RAPGEF6: variants seen among roughly 807,000 people sequenced by gnomAD.
RAPGEF6 encodes the protein Rap guanine nucleotide exchange factor 6, also known as PDZ domain containing guanine nucleotide exchange factor (GEF) 2.
RAPGEF6 carries 56 observed loss-of-function variants against 171.4 expected under a neutral mutation model. The ratio of observed to expected loss-of-function variants is 0.33; its 90% CI spans 0.26 to 0.41. RAPGEF6 has a LOEUF of 0.41. Among genes scored for constraint, RAPGEF6 ranks in the 10% least tolerant of loss-of-function variants. The pLI, the probability that RAPGEF6 is intolerant of heterozygous loss-of-function variation, is 1.00. For synonymous variants in RAPGEF6, 692 were observed against 650.1 expected (o/e 1.06, Z -0.98); for missense variants, 1,674 against 1,921.4 (o/e 0.87, Z 2.41).
chr5:131,570,041 CAAAAAAAAAAAAAAAAA>C (rs34729268), intron 4 of RAPGEF6, among the ~76,000 whole-genome samples: 3 of 27,474 alleles, frequency 1.1e-4, no homozygotes, highest in African/African-American at 3.7e-4. Context: ...GACTCTGTCT[CAAAAAAAAAAAAAAAAA>C]AAAAAAAAAA....
At position 131,604,778 on chromosome 5, in the gene RAPGEF6, A is replaced by G. The variant is rs1260297119; in HGVS notation, c.70-85T>C. ...CACCCCACAATTCTGATTTTAAGCA[A>G]ACAACCACTTATGGCAAAGCAGTTA... On this transcript the variant is annotated intron_variant, in intron 1 of 27. Transcript: ENST00000509018. The G allele has an allele frequency of 1.8e-5, 26 of 1,444,612 alleles. No individual in the cohort carries two copies. The African/African-American group carries it at 2.9e-4, about 16-fold the overall frequency. The allele number at this position is 1,444,612 out of a possible 1,614,324, so 89.5% of individuals were successfully genotyped here.
intron 7 of RAPGEF6, among the ~76,000 whole-genome samples, chr5:131,511,475 GATC>G (rs1757716743): frequency 7.3e-6 from 1 of 137,020 alleles, no homozygotes; most frequent in Non-Finnish European, 1.6e-5. Context: ...CTGCCAAAAA[GATC>G]ATCTTTTTTT....
At chr5:131,549,072 TA>T (rs199896954) in intron 5 of RAPGEF6, among the ~76,000 whole-genome samples, 6 of 151,592 alleles carry the variant, frequency 4.0e-5, no homozygotes, top group South Asian at 4.1e-4. Flanking sequence ...CTCAAAAAAT[TA>T]AAAAAAAAAT....
Position 131,573,300 on chromosome 5 carries a change from A to G in RAPGEF6, c.282-11253T>C, listed in dbSNP as rs1393572284. On this transcript the variant is annotated intron_variant, in intron 4 of 27. Coordinates refer to ENST00000509018, the MANE Select transcript of RAPGEF6 (RefSeq NM_016340.6). The stretch of plus-strand genomic sequence containing the variant: ...TACCTGCCCAACAATTTCCTCTTAC[A>G]GAGGTGGCTGGAGCTGAAGGCATAG... 5.3e-5 allele frequency among the ~76,000 whole-genome samples: 8 copies of G among 152,202 alleles called. No homozygotes were observed. The East Asian group carries it at 1.5e-3, about 29-fold the overall frequency.
chr5:131,595,161 A>C (rs572941476), intron 3 of RAPGEF6, among the ~76,000 whole-genome samples: 6 of 152,190 alleles, frequency 3.9e-5, no homozygotes, highest in Admixed American at 3.9e-4. Context: ...GTGTCAGGGG[A>C]GGGACCTGGT....
chr5:131,512,010 T>C (rs1207919623), intron 7 of RAPGEF6, among the ~76,000 whole-genome samples: 1 of 152,110 alleles, frequency 6.6e-6, no homozygotes, highest in African/African-American at 2.4e-5. Flanking sequence ...TATAGCCTCA[T>C]GGAAACGCCT....
chr5:131,607,239 A>C (rs959324240), intron 1 of RAPGEF6, among the ~76,000 whole-genome samples: 1 of 152,156 alleles, frequency 6.6e-6, no homozygotes, highest in Non-Finnish European at 1.5e-5. Context: ...CAGAATAAAG[A>C]CTAGTGCCAC....
chr5:131,634,932 G>A, intron 1 of RAPGEF6, 30 bp downstream of exon 1: 3 of 1,613,270 alleles, frequency 1.9e-6, no homozygotes, highest in South Asian at 1.1e-5. Context: ...ACTGGACTGT[G>A]AGACGCACAT....
intron 17 of RAPGEF6, chr5:131,469,924 T>C: frequency 2.4e-6 from 2 of 825,916 alleles, no homozygotes; most frequent in South Asian, 1.9e-5. Flanking sequence ...ACTTTGAAAA[T>C]GAAGGATAAA....
At chr5:131,529,255 C>T (rs1000181093) in intron 6 of RAPGEF6, among the ~76,000 whole-genome samples, 1 of 147,558 alleles carries the variant, frequency 6.8e-6, no homozygotes, top group Non-Finnish European at 1.5e-5. Context: ...GTGGGTGGAT[C>T]ATTTGAGGTC....
intron 16 of RAPGEF6, among the ~76,000 whole-genome samples, chr5:131,477,707 T>C (rs1489268526): frequency 1.3e-5 from 2 of 152,214 alleles, no homozygotes; most frequent in African/African-American, 4.8e-5. Context: ...AAGAGAGTTG[T>C]AATTACAGTC....
chr5:131,504,926 A>G, intron 10 of RAPGEF6, 148 bp from the exon 11 acceptor site: 1 of 832,666 alleles, frequency 1.2e-6, no homozygotes, highest in Non-Finnish European at 1.7e-6. Flanking sequence ...AATCAAGGTG[A>G]AACAATTCAC....
chr5:131,597,097 T>G (rs1242228274), intron 3 of RAPGEF6, among the ~76,000 whole-genome samples: 1 of 151,852 alleles, frequency 6.6e-6, no homozygotes, highest in South Asian at 2.1e-4. Context: ...GACATAAAAA[T>G]AGCCAATAGG....
At chr5:131,627,949 T>C (rs1219291420) in intron 1 of RAPGEF6, among the ~76,000 whole-genome samples, 1 of 152,236 alleles carries the variant, frequency 6.6e-6, no homozygotes, top group East Asian at 1.9e-4. Flanking sequence ...ACTGTGCCCA[T>C]GTAAGATGGC....
intron 21 of RAPGEF6, among the ~76,000 whole-genome samples, chr5:131,447,711 C>T (rs1752811728): frequency 1.3e-5 from 2 of 152,148 alleles, no homozygotes; most frequent in Admixed American, 1.3e-4. Flanking sequence ...CCACAGTGCT[C>T]ATATATCTAC....
intron 16 of RAPGEF6, among the ~76,000 whole-genome samples, chr5:131,475,526 A>G (rs1195347069): frequency 6.6e-6 from 1 of 152,224 alleles, no homozygotes; most frequent in Non-Finnish European, 1.5e-5. Context: ...AATTCCAGTT[A>G]AGCAAGCAAG....
intron 24 of RAPGEF6, 34 bp downstream of exon 24, chr5:131,439,547 T>G: frequency 8.9e-6 from 14 of 1,575,254 alleles, no homozygotes; most frequent in Non-Finnish European, 1.2e-5. Context: ...ATTGTTTAGT[T>G]TAACAAGAAC....
intron 24 of RAPGEF6, among the ~76,000 whole-genome samples, chr5:131,438,302 T>C (rs754908438): frequency 3.9e-5 from 6 of 152,234 alleles, no homozygotes; most frequent in Non-Finnish European, 7.3e-5. Flanking sequence ...AATAAATTAC[T>C]TGTAGTAACA....
intron 18 of RAPGEF6, among the ~76,000 whole-genome samples, chr5:131,462,429 A>G (rs1023576353): frequency 1.3e-5 from 2 of 152,230 alleles, no homozygotes. Flanking sequence ...GATTGGTACT[A>G]TGTAAATATT....
Sources: allele counts gnomAD v4.1 joint callset (sites outside exome capture counted in the v4.1 genomes callset), GRCh38; gene constraint gnomAD v4.1.1; transcripts MANE v1.5; gene names NCBI Gene and HGNC (gene_info 2026-07-23, HGNC 2026-07-21).